Variants in COX10 observed in about 807,000 individuals in gnomAD.
The protein encoded by COX10 is cytochrome c oxidase assembly factor heme A:farnesyltransferase COX10.
In COX10, 27 loss-of-function variants were observed where a neutral mutation model predicts 37.3. That is an observed-to-expected ratio of 0.72 (90% CI 0.53 to 1.00). The LOEUF is 1.00. Ranked by LOEUF, COX10 falls within the 50% of genes least tolerant of loss-of-function variation. The pLI is 0.00. For missense variants in COX10, 475 were observed against 563.2 expected (o/e 0.84, Z 1.59); for synonymous variants, 222 against 229.1 (o/e 0.97, Z 0.28).
intron 4 of COX10, among the ~76,000 whole-genome samples, chr17:14,156,823 G>C (rs765277514): frequency 9.2e-5 from 14 of 152,114 alleles, no homozygotes; most frequent in Non-Finnish European, 1.6e-4. Flanking sequence ...ATAATCCTTT[G>C]CACAACTCTG....
At chr17:14,080,543 G>A (rs1915271560) in intron 3 of COX10, among the ~76,000 whole-genome samples, 2 of 152,184 alleles carry the variant, frequency 1.3e-5, no homozygotes, top group South Asian at 4.1e-4. Context: ...TCTCTGTAGA[G>A]TCCACTCCTG....
intron 3 of COX10, among the ~76,000 whole-genome samples, chr17:14,101,224 T>C (rs1597500933): frequency 6.6e-6 from 1 of 152,216 alleles, no homozygotes; most frequent in East Asian, 1.9e-4. Context: ...ATGCATACTT[T>C]GGATTCTTGA....
intron 5 of COX10, among the ~76,000 whole-genome samples, chr17:14,166,363 C>G (rs928295466): frequency 5.9e-5 from 9 of 152,180 alleles, no homozygotes; most frequent in African/African-American, 1.7e-4. Flanking sequence ...TACACTAAAT[C>G]TATTCTGCCT....
Position 14,207,141 on chromosome 17 carries a change from G to T in COX10, c.1260G>T (p.Pro420=), listed in dbSNP as rs770684580. The stretch of plus-strand genomic sequence containing the variant: ...TCTTCTGCAGCCTGTGGCACCTGCC[G>T]CTGCTGCTGCTGCTCATGCTCACCT... ...RLFFCSLWHL[P]LLLLLMLTCK... The change falls in exon 7 of 7, where the codon CCG becomes CCT. Residue 420 remains proline, a synonymous_variant. Transcript: ENST00000261643. 3 of 1,612,138 alleles carry T rather than the reference G, an allele frequency of 1.9e-6. No individual in the cohort carries two copies. The Admixed American group carries it at 5.0e-5, about 27-fold the overall frequency.
chr17:14,104,412 G>C (rs1915847776), intron 4 of COX10, among the ~76,000 whole-genome samples: 1 of 152,074 alleles, frequency 6.6e-6, no homozygotes. Flanking sequence ...GCAGAACAAA[G>C]AGCACTGGGC....
At chr17:14,100,843 T>C (rs1387251772) in intron 3 of COX10, among the ~76,000 whole-genome samples, 1 of 152,088 alleles carries the variant, frequency 6.6e-6, no homozygotes, top group Non-Finnish European at 1.5e-5. Context: ...TGGCAATTGC[T>C]TGGACTATGT....
chr17:14,117,337 A>G (rs746306094), intron 4 of COX10, among the ~76,000 whole-genome samples: 2 of 152,194 alleles, frequency 1.3e-5, no homozygotes, highest in Non-Finnish European at 2.9e-5. Context: ...AAGGCTTTAC[A>G]TAGTAATAGG....
chr17:14,102,101 C>T lies in COX10; in HGVS notation c.500-17C>T. ...TCCTGTTGGTAACAGTGTGTCTGCT[C>T]TGTTTCTGTATCGCAGCTCTGGTTG... On this transcript the variant is annotated splice_polypyrimidine_tract_variant and intron_variant, in intron 3 of 6. Coordinates refer to ENST00000261643, the MANE Select transcript of COX10 (RefSeq NM_001303.4). 6.2e-7 allele frequency: 1 copy of T among 1,613,398 alleles called. No individual in the cohort carries two copies. The highest frequency in any genetic ancestry group is 8.5e-7 in the Non-Finnish European group (1 of 1,179,562).
At chr17:14,188,063 TC>T (rs796769367) in intron 5 of COX10, among the ~76,000 whole-genome samples, 29 of 150,688 alleles carry the variant, frequency 1.9e-4, no homozygotes, top group African/African-American at 7.0e-4. Context: ...CCAACTGGCC[TC>T]CACAGAACTT....
At chr17:14,086,621 ATTTCT>A (rs1446168413) in intron 3 of COX10, among the ~76,000 whole-genome samples, 1 of 152,150 alleles carries the variant, frequency 6.6e-6, no homozygotes, top group African/African-American at 2.4e-5. Flanking sequence ...GTATTTAAAA[ATTTCT>A]TTTCAGTTGA....
At chr17:14,102,894 C>T (rs979201489) in intron 4 of COX10, among the ~76,000 whole-genome samples, 5 of 151,914 alleles carry the variant, frequency 3.3e-5, no homozygotes, top group Non-Finnish European at 7.4e-5. Flanking sequence ...TAAGGAAAAT[C>T]GTTTTCATTA....
At chr17:14,165,694 G>A (rs1277450711) in intron 5 of COX10, among the ~76,000 whole-genome samples, 1 of 152,180 alleles carries the variant, frequency 6.6e-6, no homozygotes, top group African/African-American at 2.4e-5. Flanking sequence ...AGCTTAATGA[G>A]GAAGGTGACA....
At chr17:14,080,306 C>G (rs1267112128) in intron 3 of COX10, among the ~76,000 whole-genome samples, 2 of 146,388 alleles carry the variant, frequency 1.4e-5, no homozygotes, top group Non-Finnish European at 3.0e-5. Context: ...TCACTGCAAG[C>G]TCCGCCTCCC....
At chr17:14,154,844 T>A (rs1241644707) in intron 4 of COX10, among the ~76,000 whole-genome samples, 1 of 142,004 alleles carries the variant, frequency 7.0e-6, no homozygotes, top group Non-Finnish European at 1.5e-5. Context: ...TGGCTGAGTC[T>A]CCAACTCCCT....
intron 2 of COX10, 35 bp from the exon 3 acceptor site, chr17:14,076,700 C>T: frequency 6.2e-7 from 1 of 1,609,434 alleles, no homozygotes; most frequent in Non-Finnish European, 8.5e-7. Context: ...CATTTGGGGC[C>T]TTGGTTTTAT....
chr17:14,164,608 T>G (rs1445573607), intron 5 of COX10, among the ~76,000 whole-genome samples: 1 of 152,220 alleles, frequency 6.6e-6, no homozygotes. Context: ...TTTCATCATT[T>G]GGGATTATGG....
chr17:14,148,543 A>T (rs996812780), intron 4 of COX10, among the ~76,000 whole-genome samples: 1 of 152,164 alleles, frequency 6.6e-6, no homozygotes, highest in Non-Finnish European at 1.5e-5. Context: ...CGTTGAGAAG[A>T]TGGATGGAAA....
intron 4 of COX10, among the ~76,000 whole-genome samples, chr17:14,131,670 G>A (rs1186698944): frequency 6.6e-6 from 1 of 151,968 alleles, no homozygotes; most frequent in Non-Finnish European, 1.5e-5. Flanking sequence ...AACAGTATTA[G>A]AAAATATTAC....
At position 14,104,260 on chromosome 17, in the gene COX10, T is replaced by A. The variant is rs145698791; in HGVS notation, c.624+2018T>A. 7.3e-3 allele frequency among the ~76,000 whole-genome samples: 1,115 copies of A among 152,306 alleles called. 5 individuals are homozygous for A. Among genetic ancestry groups the A allele is most frequent in the Non-Finnish European group, 0.013 (865 of 68,016 alleles). On this transcript the variant is annotated intron_variant, in intron 4 of 6. Coordinates refer to ENST00000261643, the MANE Select transcript of COX10 (RefSeq NM_001303.4). Reference sequence around the variant, plus strand: ...CCAGTAGAGTAGAATCCTAGTGTTATCATTATGGTATCAGTCAGCTTCCCA... The same window carrying A: ...CCAGTAGAGTAGAATCCTAGTGTTAACATTATGGTATCAGTCAGCTTCCCA...
Sources: allele counts gnomAD v4.1 joint callset (sites outside exome capture counted in the v4.1 genomes callset), GRCh38; gene constraint gnomAD v4.1.1; transcripts MANE v1.5; gene names NCBI Gene and HGNC (gene_info 2026-07-23, HGNC 2026-07-21).